Variants in TTC23 observed in about 807,000 individuals in gnomAD.
TTC23 encodes tetratricopeptide repeat domain 23.
A neutral mutation model predicts 55.1 loss-of-function variants in TTC23; 58 were observed. That is an observed-to-expected ratio of 1.05 (90% CI 0.85 to 1.31). The LOEUF (loss-of-function observed/expected upper bound fraction) is 1.31. Ranked by LOEUF, TTC23 falls within the 50% of genes most tolerant of loss-of-function variation. The pLI, the probability that TTC23 is intolerant of heterozygous loss-of-function variation, is 0.00. For missense variants in TTC23, 516 were observed against 534.4 expected, an observed-to-expected ratio of 0.97 and a Z score of 0.34; for synonymous variants, 203 against 199.9, an observed-to-expected ratio of 1.02 and a Z score of -0.13.
chr15:99,250,931 T>A (rs1403701759), upstream of TTC23, among the ~76,000 whole-genome samples: 1 of 152,220 alleles, frequency 6.6e-6, no homozygotes, highest in Admixed American at 6.5e-5. Context: ...GGCCTGTTTT[T>A]CAACGGTCAG....
chr15:99,175,313 G>A (rs1386469660), intron 9 of TTC23, among the ~76,000 whole-genome samples, 158 bp from the exon 10 acceptor site: 1 of 152,254 alleles, frequency 6.6e-6, no homozygotes, highest in Non-Finnish European at 1.5e-5. Context: ...AGGAAAGCTG[G>A]ATTTTAAAAG....
At chr15:99,246,803 C>G (rs1484510061) in intron 1 of TTC23, among the ~76,000 whole-genome samples, 1 of 152,076 alleles carries the variant, frequency 6.6e-6, no homozygotes, top group African/African-American at 2.4e-5. Flanking sequence ...ACCTGTAATC[C>G]TAGCTACTCG....
chr15:99,139,658 G>T (rs1555489240), intron 12 of TTC23: 9 of 1,440,574 alleles, frequency 6.2e-6, no homozygotes, highest in Middle Eastern at 1.9e-4. Context: ...TTTAAAAGTA[G>T]TATTTTTAAA....
At chr15:99,169,813 C>G (rs1452064077) in intron 10 of TTC23, among the ~76,000 whole-genome samples, 3 of 152,164 alleles carry the variant, frequency 2.0e-5, no homozygotes, top group African/African-American at 7.2e-5. Flanking sequence ...GAAATTTTAT[C>G]TTAGGAATCC....
chr15:99,221,721 T>A lies in TTC23; in HGVS notation c.304+20A>T. 6.2e-7 allele frequency: 1 copy of A among 1,613,768 alleles called. No homozygotes were observed. The highest frequency in any genetic ancestry group is 8.5e-7 in the Non-Finnish European group (1 of 1,179,760). ...GCAGAAATCGACCAACTGATCCCCC[T>A]CAGTCTAAGGCGAGCTTACCTTTCA... On this transcript the variant is annotated intron_variant, in intron 6 of 13. Transcript: ENST00000394132.
At chr15:99,191,840 G>T (rs977508399) in intron 9 of TTC23, among the ~76,000 whole-genome samples, 6 of 152,178 alleles carry the variant, frequency 3.9e-5, no homozygotes, top group Non-Finnish European at 8.8e-5. Context: ...TCAGAAGACA[G>T]GAAAATGTGG....
chr15:99,217,406 C>T (rs1006971633), intron 8 of TTC23, among the ~76,000 whole-genome samples: 1 of 152,168 alleles, frequency 6.6e-6, no homozygotes, highest in South Asian at 2.1e-4. Flanking sequence ...ATCCACCTGC[C>T]TCAGCCTCCC....
intron 5 of TTC23, among the ~76,000 whole-genome samples, chr15:99,224,591 G>A (rs1460475906): frequency 6.6e-6 from 1 of 152,148 alleles, no homozygotes; most frequent in Non-Finnish European, 1.5e-5. Context: ...ATCCTGTATG[G>A]ATAGCTTTGC....
chr15:99,220,812 T>C (rs1032977625), intron 6 of TTC23, among the ~76,000 whole-genome samples: 1 of 152,210 alleles, frequency 6.6e-6, no homozygotes, highest in Admixed American at 6.5e-5. Context: ...CTCTTGTCCA[T>C]CTTGTCTTAG....
chr15:99,178,455 A>C (rs888851207), intron 9 of TTC23, among the ~76,000 whole-genome samples: 1 of 152,198 alleles, frequency 6.6e-6, no homozygotes, highest in Non-Finnish European at 1.5e-5. Flanking sequence ...AGTAAAATTC[A>C]ATTTAATTCC....
At chr15:99,200,215 G>C in intron 8 of TTC23, 119 bp from the exon 9 acceptor site, 1 of 898,532 alleles carries the variant, frequency 1.1e-6, no homozygotes, top group South Asian at 2.5e-5. Flanking sequence ...TCGTTTCCTT[G>C]CTAACTAAGC....
chr15:99,239,371 G>A (rs2079578232), intron 3 of TTC23, among the ~76,000 whole-genome samples: 1 of 152,116 alleles, frequency 6.6e-6, no homozygotes, highest in South Asian at 2.1e-4. Context: ...TGTAGTCCCA[G>A]CTACTCTGGA....
In TTC23 at chr15:99,137,817, C is replaced by T. The variant is rs902424381; in HGVS notation, c.*193G>A. 5.9e-6 allele frequency: 5 copies of T among 852,616 alleles called. No individual in the cohort carries two copies. The allele number at this position is 852,616 out of a possible 1,614,324, so 52.8% of individuals were successfully genotyped here. A position where few individuals can be genotyped will look rare whatever the true frequency, so the allele number is the denominator to read the frequency against. On this transcript the variant is annotated 3_prime_UTR_variant, in exon 14 of 14. Coordinates refer to ENST00000394132, the MANE Select transcript of TTC23 (RefSeq NM_001288615.3). ...AAAACTGCTTTATAGCATATATCAC[C>T]CTGAAGGGCATCCACTGTCAAAATG... is the stretch of plus-strand genomic sequence containing the variant.
At chr15:99,179,889 C>T (rs550912510) in intron 9 of TTC23, among the ~76,000 whole-genome samples, 2 of 152,332 alleles carry the variant, frequency 1.3e-5, no homozygotes, top group East Asian at 1.9e-4. Flanking sequence ...GTGCAAAGGA[C>T]GTTGACAATG....
At chr15:99,246,489 C>T (rs900240066) in intron 1 of TTC23, among the ~76,000 whole-genome samples, 4 of 151,876 alleles carry the variant, frequency 2.6e-5, no homozygotes, top group East Asian at 1.9e-4. Flanking sequence ...GTAGTGGGCA[C>T]CTGTAATCCC....
At chr15:99,217,260 G>A (rs947797685) in intron 8 of TTC23, among the ~76,000 whole-genome samples, 1 of 151,642 alleles carries the variant, frequency 6.6e-6, no homozygotes, top group African/African-American at 2.4e-5. Context: ...GGGTTCAAGC[G>A]ATTTCTCCTG....
intron 8 of TTC23, among the ~76,000 whole-genome samples, chr15:99,213,424 G>A (rs1353798136): frequency 2.0e-5 from 3 of 152,222 alleles, no homozygotes; most frequent in Admixed American, 6.5e-5. Flanking sequence ...AATTTGGAAA[G>A]CACTCAGAGG....
Position 99,228,362 on chromosome 15 carries a change from G to A in TTC23, c.180+171C>T, listed in dbSNP as rs578228370. 5.6e-4 allele frequency: 281 copies of A among 497,898 alleles called. 1 individual carries two copies. Among genetic ancestry groups the A allele is most frequent in the Non-Finnish European group, 7.7e-4 (229 of 296,692 alleles). 30.8% of individuals were successfully genotyped at this position (497,898 alleles called of 1,614,324 possible). On this transcript the variant is annotated intron_variant, in intron 5 of 13. Transcript: ENST00000394132. The stretch of plus-strand genomic sequence containing the variant: ...GTTGGCCATGCGAACTGCTGTGCTT[G>A]GAGCCTAGAGGTACTGCATTCATTC...
chr15:99,190,257 G>GTTTTT, intron 9 of TTC23, among the ~76,000 whole-genome samples: 1 of 140,384 alleles, frequency 7.1e-6, no homozygotes, highest in East Asian at 2.1e-4. Flanking sequence ...AAATATCCTT[G>GTTTTT]TTTTTTTTTT....
Sources: allele counts gnomAD v4.1 joint callset (sites outside exome capture counted in the v4.1 genomes callset), GRCh38; gene constraint gnomAD v4.1.1; transcripts MANE v1.5; gene names NCBI Gene and HGNC (gene_info 2026-07-23, HGNC 2026-07-21).